HMGB1: variants seen among roughly 807,000 people sequenced by gnomAD.
The protein encoded by HMGB1 is high mobility group box 1.
For missense variants in HMGB1, 79 were observed against 253.5 expected (o/e 0.31, Z 4.67); for synonymous variants, 81 against 84.0 (o/e 0.96, Z 0.19).
chr13:30,548,258 A>C (rs1418786061), intron 1 of HMGB1, among the ~76,000 whole-genome samples: 1 of 152,058 alleles, frequency 6.6e-6, no homozygotes, highest in Non-Finnish European at 1.5e-5. Context: ...ACGGTTTTAT[A>C]AGGGGCTTTC....
chr13:30,514,258 C>G (rs899790954), intron 1 of HMGB1, among the ~76,000 whole-genome samples: 1 of 151,604 alleles, frequency 6.6e-6, no homozygotes, highest in African/African-American at 2.4e-5. Context: ...GAGTTATAAA[C>G]CCCTAGTACT....
intron 1 of HMGB1, among the ~76,000 whole-genome samples, chr13:30,499,002 G>A (rs1201547605): frequency 1.3e-5 from 2 of 151,222 alleles, no homozygotes; most frequent in Non-Finnish European, 2.9e-5. Context: ...GCCCAGGCTG[G>A]AGTGCACTGG....
chr13:30,456,780 G>GGGGGGGGAGTT lies in HMGB1; in HGVS notation c.*4576_*4577insAACTCCCCCCC, dbSNP rs1356201662. The GGGGGGGGAGTT allele has an allele frequency of 8.3e-6, 1 of 120,400 alleles. No individual in the cohort carries two copies. Among genetic ancestry groups the GGGGGGGGAGTT allele is most frequent in the African/African-American group, 4.1e-5 (1 of 24,568 alleles). The allele number at this position is 120,400 out of a possible 1,614,324, so 7.5% of individuals were successfully genotyped here. A position where few individuals can be genotyped will look rare whatever the true frequency, so the allele number is the denominator to read the frequency against. On this transcript the variant is annotated 3_prime_UTR_variant, in exon 5 of 5. Transcript: ENST00000341423. ...GTGGGCGGGGGGGGGGGGTGGTGGG[G>GGGGGGGGAGTT]TGCAATTTATCAACATCTTCCAAAA...
intron 1 of HMGB1, among the ~76,000 whole-genome samples, chr13:30,582,490 T>G (rs1870944807): frequency 6.6e-6 from 1 of 151,410 alleles, no homozygotes; most frequent in Non-Finnish European, 1.5e-5. Context: ...TACAAAAAAT[T>G]AACCGGGCGT....
chr13:30,576,849 C>T (rs559821080), intron 1 of HMGB1, among the ~76,000 whole-genome samples: 2 of 152,204 alleles, frequency 1.3e-5, no homozygotes, highest in Admixed American at 6.5e-5. Context: ...CACATCAAAT[C>T]GATTACCAAC....
intron 1 of HMGB1, among the ~76,000 whole-genome samples, chr13:30,483,806 G>A (rs529626982): frequency 6.6e-6 from 1 of 152,094 alleles, no homozygotes; most frequent in Admixed American, 6.6e-5. Flanking sequence ...TAGAGATGGT[G>A]TCTCACCATG....
intron 1 of HMGB1, among the ~76,000 whole-genome samples, chr13:30,475,045 CT>C (rs749159763): frequency 0.3 from 15,934 of 53,530 alleles, 2,489 homozygotes; most frequent in Middle Eastern, 0.41. Flanking sequence ...CTCTCTCTCT[CT>C]TTTTTTTTTT....
At chr13:30,617,208 CCCCTTA>C (rs1402926366) in exon 1 of HMGB1, 1 of 152,272 alleles carries the variant, frequency 6.6e-6, no homozygotes, top group Non-Finnish European at 1.5e-5. Flanking sequence ...TTTCGCTGCT[CCCCTTA>C]CCGTGAGAAG....
At chr13:30,496,179 G>A (rs1297790349) in intron 1 of HMGB1, among the ~76,000 whole-genome samples, 1 of 152,188 alleles carries the variant, frequency 6.6e-6, no homozygotes, top group Non-Finnish European at 1.5e-5. Context: ...GAAGGAAAAG[G>A]AAAAGAATTG....
rs989118339 is a variant in HMGB1, at chr13:30,546,247, C to T, written c.-15+70424G>A. On this transcript the variant is annotated intron_variant, in intron 1 of 4. Coordinates refer to the HMGB1 transcript ENST00000405805. ...TCCCCTGCCTCAGCCTCCCGAGTAG[C>T]TGGGACTACAGGTGTGCATCGCCAC... Among the ~76,000 whole-genome samples the T allele has an allele frequency of 1.7e-4, 26 of 152,190 alleles. 1 individual carries two copies. Among genetic ancestry groups the T allele is most frequent in the Non-Finnish European group, 3.7e-4 (25 of 68,038 alleles).
At chr13:30,592,487 T>C (rs968158439) in intron 1 of HMGB1, among the ~76,000 whole-genome samples, 1 of 152,174 alleles carries the variant, frequency 6.6e-6, no homozygotes, top group Non-Finnish European at 1.5e-5. Context: ...CATAGAAGTA[T>C]CTTTAGTAGT....
chr13:30,534,108 C>T (rs1888559059), intron 1 of HMGB1, among the ~76,000 whole-genome samples: 1 of 152,160 alleles, frequency 6.6e-6, no homozygotes, highest in African/African-American at 2.4e-5. Context: ...AGGTGATCTG[C>T]CTGCCTCCCA....
At chr13:30,501,902 C>A (rs956033171) in intron 1 of HMGB1, among the ~76,000 whole-genome samples, 1 of 152,172 alleles carries the variant, frequency 6.6e-6, no homozygotes, top group Non-Finnish European at 1.5e-5. Flanking sequence ...TCAGTTACAA[C>A]ACCTCATTTT....
chr13:30,507,992 C>A (rs1347520042), intron 1 of HMGB1, among the ~76,000 whole-genome samples: 1 of 151,828 alleles, frequency 6.6e-6, no homozygotes, highest in African/African-American at 2.4e-5. Context: ...GTGAGACTCT[C>A]TCTCTAAAAA....
chr13:30,462,981 G>A (rs1023697572), intron 3 of HMGB1, among the ~76,000 whole-genome samples: 5 of 152,150 alleles, frequency 3.3e-5, no homozygotes, highest in African/African-American at 9.7e-5. Flanking sequence ...AAGATCAAAA[G>A]GAGATACACT....
chr13:30,550,751 T>A (rs961425353), intron 1 of HMGB1, among the ~76,000 whole-genome samples: 1 of 152,252 alleles, frequency 6.6e-6, no homozygotes, highest in African/African-American at 2.4e-5. Context: ...AGGAAATTTT[T>A]GCATTTGAAA....
intron 1 of HMGB1, among the ~76,000 whole-genome samples, chr13:30,561,949 G>C (rs1313936661): frequency 6.6e-6 from 1 of 152,200 alleles, no homozygotes; most frequent in Non-Finnish European, 1.5e-5. Flanking sequence ...AGTGAATGTG[G>C]AGATATAATC....
At chr13:30,545,075 A>G (rs1015742116) in intron 1 of HMGB1, among the ~76,000 whole-genome samples, 1 of 151,890 alleles carries the variant, frequency 6.6e-6, no homozygotes, top group African/African-American at 2.4e-5. Flanking sequence ...GTCTTGTTTC[A>G]GTTCTTTTTC....
At chr13:30,609,666 T>C (rs1017265617) in intron 1 of HMGB1, among the ~76,000 whole-genome samples, 3 of 152,160 alleles carry the variant, frequency 2.0e-5, no homozygotes, top group Non-Finnish European at 4.4e-5. Flanking sequence ...TTAGTGGTGA[T>C]TTCTGAGATT....
Sources: allele counts gnomAD v4.1 joint callset (sites outside exome capture counted in the v4.1 genomes callset), GRCh38; gene constraint gnomAD v4.1.1; transcripts MANE v1.5; gene names NCBI Gene and HGNC (gene_info 2026-07-23, HGNC 2026-07-21).